EDN1: variants seen among roughly 807,000 people sequenced by gnomAD.
EDN1 encodes the protein endothelin-1.
A neutral mutation model predicts 21.7 loss-of-function variants in EDN1; 11 were observed. That is an observed-to-expected ratio of 0.51 (90% CI 0.32 to 0.84). The LOEUF (loss-of-function observed/expected upper bound fraction) is 0.84, where lower values mean the gene tolerates loss of function less well. Ranked by LOEUF, EDN1 falls within the 40% of genes least tolerant of loss-of-function variation. The probability of loss-of-function intolerance (pLI) is 0.03; values close to 1 mark genes in which losing one functional copy is unlikely to be tolerated. For missense variants in EDN1, 244 were observed against 262.3 expected (o/e 0.93, Z 0.48); for synonymous variants, 85 against 90.6 (o/e 0.94, Z 0.35).
chr6:12,276,116 C>T, the EDN1 span, among the ~76,000 whole-genome samples: 18 of 129,244 alleles, frequency 1.4e-4, no homozygotes, highest in African/African-American at 2.4e-4. Flanking sequence ...GAGCCGAGGT[C>T]GCGCCACTGC....
chr6:12,268,109 T>C, the EDN1 span, among the ~76,000 whole-genome samples: 1 of 152,338 alleles, frequency 6.6e-6, no homozygotes, highest in East Asian at 1.9e-4. Context: ...CCAAGAGTTC[T>C]GATGAGGATG....
the EDN1 span, among the ~76,000 whole-genome samples, chr6:12,262,128 G>A: frequency 3.9e-5 from 6 of 152,304 alleles, no homozygotes; most frequent in African/African-American, 1.2e-4. Context: ...GCATTTTTGA[G>A]GTTGACTTCA....
At chr6:12,237,660 C>T in the EDN1 span, among the ~76,000 whole-genome samples, 12 of 152,066 alleles carry the variant, frequency 7.9e-5, no homozygotes, top group South Asian at 2.1e-4. Flanking sequence ...CCTGCTACTC[C>T]GGGGCTGCCT....
chr6:12,295,599 C>G (rs1224789853), intron 4 of EDN1, among the ~76,000 whole-genome samples: 1 of 152,068 alleles, frequency 6.6e-6, no homozygotes, highest in Non-Finnish European at 1.5e-5. Context: ...ATTAAGATGG[C>G]CATAACTATT....
At chr6:12,231,511 A>G in the EDN1 span, among the ~76,000 whole-genome samples, 1 of 152,216 alleles carries the variant, frequency 6.6e-6, no homozygotes, top group Non-Finnish European at 1.5e-5. Flanking sequence ...CTTCTACTAA[A>G]ACTAAATAGT....
the EDN1 span, among the ~76,000 whole-genome samples, chr6:12,265,109 C>T: frequency 6.6e-6 from 1 of 152,112 alleles, no homozygotes; most frequent in African/African-American, 2.4e-5. Context: ...GCTGCAGGCT[C>T]CAAGGATGAA....
the EDN1 span, among the ~76,000 whole-genome samples, chr6:12,267,263 G>C: frequency 2.0e-4 from 30 of 152,108 alleles, no homozygotes; most frequent in Non-Finnish European, 3.8e-4. Context: ...TTATTATTCT[G>C]TTATGGTGAC....
Position 12,296,618 on chromosome 6 carries a change from A to G in EDN1, c.*551A>G, listed in dbSNP as rs1267992983. 2 of 158,282 alleles carry G rather than the reference A, an allele frequency of 1.3e-5. No homozygotes were observed. The highest frequency in any genetic ancestry group is 3.6e-4 in the East Asian group (2 of 5,538). 9.8% of individuals were successfully genotyped at this position (158,282 alleles called of 1,614,324 possible). On this transcript the variant is annotated 3_prime_UTR_variant, in exon 5 of 5. Coordinates refer to ENST00000379375, the MANE Select transcript of EDN1 (RefSeq NM_001955.5). ...GAAACTGTTACTACCATAAATCAGG[A>G]TATGTTTCATGAATATGAGTCTACC... is the stretch of plus-strand genomic sequence containing the variant.
chr6:12,255,764 C>T, the EDN1 span, among the ~76,000 whole-genome samples: 3 of 152,196 alleles, frequency 2.0e-5, no homozygotes, highest in Non-Finnish European at 2.9e-5. Flanking sequence ...ATAGTCTAAG[C>T]CCTATAACAT....
the EDN1 span, among the ~76,000 whole-genome samples, chr6:12,279,183 A>G: frequency 6.6e-6 from 1 of 152,164 alleles, no homozygotes; most frequent in Non-Finnish European, 1.5e-5. Flanking sequence ...CCACTACCTT[A>G]AAGATCTAAG....
At chr6:12,251,625 C>T in the EDN1 span, among the ~76,000 whole-genome samples, 23 of 152,316 alleles carry the variant, frequency 1.5e-4, no homozygotes, top group East Asian at 4.2e-3. Flanking sequence ...TCCTGAAACA[C>T]TAAAACTCCC....
rs1762654094 is a variant in EDN1 at position 12,290,698 on chromosome 6, G to T, written c.64+5G>T. The T allele has an allele frequency of 6.2e-7, 1 of 1,612,780 alleles. No individual in the cohort carries two copies. The highest frequency in any genetic ancestry group is 8.5e-7 in the Non-Finnish European group (1 of 1,178,784). ...GCCAAGGAGCTCCAGAAACAGGTAGGCACGCTCGTTGACTTGTAAGTCTCG... is the reference window on the plus strand; with the variant it reads ...GCCAAGGAGCTCCAGAAACAGGTAGTCACGCTCGTTGACTTGTAAGTCTCG... On this transcript the variant is annotated splice_donor_5th_base_variant and intron_variant, in intron 1 of 4. Transcript: ENST00000379375.
the EDN1 span, among the ~76,000 whole-genome samples, chr6:12,261,856 T>C: frequency 6.6e-6 from 1 of 152,136 alleles, no homozygotes; most frequent in Non-Finnish European, 1.5e-5. Context: ...GAAGGATGTG[T>C]CACAGAAAGG....
chr6:12,237,697 A>G, the EDN1 span, among the ~76,000 whole-genome samples: 1 of 152,018 alleles, frequency 6.6e-6, no homozygotes, highest in Admixed American at 6.5e-5. Context: ...CTATACAGAC[A>G]CTGTTGTCCT....
the EDN1 span, among the ~76,000 whole-genome samples, chr6:12,255,138 G>A: frequency 1.3e-5 from 2 of 152,118 alleles, no homozygotes; most frequent in African/African-American, 2.4e-5. Flanking sequence ...GTTTCAAAAA[G>A]CCAAATAAAT....
intron 1 of EDN1, 40 bp downstream of exon 1, chr6:12,290,733 G>A: frequency 6.4e-7 from 1 of 1,551,806 alleles, no homozygotes; most frequent in Non-Finnish European, 8.9e-7. Context: ...GGAATTACAA[G>A]TTAGTGTGTT....
chr6:12,252,314 A>G, the EDN1 span, among the ~76,000 whole-genome samples: 11 of 152,364 alleles, frequency 7.2e-5, no homozygotes, highest in South Asian at 2.3e-3. Context: ...GAGGTAGTCA[A>G]GGAAAGAGGA....
the EDN1 span, among the ~76,000 whole-genome samples, chr6:12,258,431 C>T: frequency 4.7e-5 from 5 of 105,452 alleles, no homozygotes; most frequent in African/African-American, 1.2e-4. Context: ...GCCTGGGTTT[C>T]GGAGTGAGAT....
the EDN1 span, among the ~76,000 whole-genome samples, chr6:12,232,829 C>T: frequency 1.5e-3 from 231 of 152,270 alleles, 2 homozygotes; most frequent in African/African-American, 5.1e-3. Context: ...TTGTTGGGTA[C>T]AGCCTTCACA....
Sources: allele counts gnomAD v4.1 joint callset (sites outside exome capture counted in the v4.1 genomes callset), GRCh38; gene constraint gnomAD v4.1.1; transcripts MANE v1.5; gene names NCBI Gene and HGNC (gene_info 2026-07-23, HGNC 2026-07-21).